GALM: variants seen among roughly 807,000 people sequenced by gnomAD.
The protein encoded by GALM is galactose mutarotase.
In GALM, 43 loss-of-function variants were observed where a neutral mutation model predicts 37.4. The observed-to-expected ratio is 1.15, with a 90% confidence interval of 0.90 to 1.48. GALM has a LOEUF of 1.48. Among genes scored for constraint, GALM ranks in the 40% most tolerant of loss-of-function variants. The pLI, the probability that GALM is intolerant of heterozygous loss-of-function variation, is 0.00. For missense variants in GALM, 456 were observed against 419.1 expected, an observed-to-expected ratio of 1.09 and a Z score of -0.77; for synonymous variants, 199 against 170.6, an observed-to-expected ratio of 1.17 and a Z score of -1.30.
intron 4 of GALM, among the ~76,000 whole-genome samples, chr2:38,724,886 G>A (rs140494653): frequency 8.9e-4 from 135 of 152,302 alleles, no homozygotes; most frequent in African/African-American, 3.2e-3. Context: ...GGGAAGAGCT[G>A]AAGCAAACAC....
chr2:38,733,458 A>G lies in GALM; in HGVS notation c.952-30A>G, dbSNP rs1281860048. 3 of 1,592,626 alleles carry G rather than the reference A, an allele frequency of 1.9e-6. No individual in the cohort carries two copies. In the South Asian group the frequency reaches 3.3e-5, roughly 18 times the overall value. On this transcript the variant is annotated intron_variant, in intron 6 of 6. Transcript: ENST00000272252. Reference sequence around the variant, plus strand: ...GTTAATGTTGCAGCCTGCGGTGTCAAGCATCACCTGTGTTGTTTCCCCTTC... The same window carrying G: ...GTTAATGTTGCAGCCTGCGGTGTCAGGCATCACCTGTGTTGTTTCCCCTTC...
chr2:38,677,316 CCA>C (rs1321415125), intron 2 of GALM, among the ~76,000 whole-genome samples: 1 of 152,042 alleles, frequency 6.6e-6, no homozygotes, highest in Non-Finnish European at 1.5e-5. Context: ...CCACTAATGG[CCA>C]CAGTTTCTTC....
chr2:38,679,176 G>A (rs779893504), intron 2 of GALM, among the ~76,000 whole-genome samples: 18 of 152,166 alleles, frequency 1.2e-4, no homozygotes, highest in African/African-American at 1.9e-4. Flanking sequence ...TAGTAGAGAC[G>A]AAGTTTCACC....
chr2:38,726,618 A>C (rs964895683), intron 4 of GALM, among the ~76,000 whole-genome samples: 1 of 152,094 alleles, frequency 6.6e-6, no homozygotes, highest in Non-Finnish European at 1.5e-5. Flanking sequence ...ATGCAAGCCG[A>C]AGTAGTCTCG....
Position 38,731,923 on chromosome 2 carries a change from CTGGCTTTTCAGAGTAGAGTTGTGTCCA to C in GALM, c.951+15_951+41del. Reference sequence around the variant, plus strand: ...GCAGTCAATCAGGTAATGCCACAGGCTGGCTTTTCAGAGTAGAGTTGTGTCCAAGGTCACACTGTACGACAGAGTTCA... The same window carrying C: ...GCAGTCAATCAGGTAATGCCACAGGCAGGTCACACTGTACGACAGAGTTCA... On this transcript the variant is annotated intron_variant, in intron 6 of 6. Coordinates refer to ENST00000272252, the MANE Select transcript of GALM (RefSeq NM_138801.3). 6.2e-7 allele frequency: 1 copy of C among 1,612,044 alleles called. No individual in the cohort carries two copies. The highest frequency in any genetic ancestry group is 8.5e-7 in the Non-Finnish European group (1 of 1,178,316).
In GALM at chr2:38,733,468, G is replaced by A; in HGVS notation, c.952-20G>A. The stretch of plus-strand genomic sequence containing the variant: ...CAGCCTGCGGTGTCAAGCATCACCT[G>A]TGTTGTTTCCCCTTCACAGCCCCGC... On this transcript the variant is annotated intron_variant, in intron 6 of 6. Transcript: ENST00000272252. 6.2e-7 allele frequency: 1 copy of A among 1,607,242 alleles called. No individual in the cohort carries two copies. The highest frequency in any genetic ancestry group is 1.1e-5 in the South Asian group (1 of 90,956).
chr2:38,675,518 GTT>G (rs1553379770), intron 1 of GALM, among the ~76,000 whole-genome samples: 7 of 104,974 alleles, frequency 6.7e-5, no homozygotes, highest in East Asian at 2.9e-4. Flanking sequence ...TGGATTGAGG[GTT>G]TTTTTGTTTT....
chr2:38,715,615 T>C (rs1299579494), intron 4 of GALM, among the ~76,000 whole-genome samples: 1 of 152,134 alleles, frequency 6.6e-6, no homozygotes, highest in African/African-American at 2.4e-5. Context: ...TTTTTGTATT[T>C]TTTGTAGAGA....
chr2:38,731,088 G>A (rs552829759), intron 5 of GALM, among the ~76,000 whole-genome samples: 1 of 151,990 alleles, frequency 6.6e-6, no homozygotes, highest in South Asian at 2.1e-4. Context: ...TTAGCCGGAT[G>A]TGGTGGCAGG....
Position 38,733,546 on chromosome 2 carries a change from T to G in GALM, c.1010T>G (p.Phe337Cys), listed in dbSNP as rs374312709. The change falls in exon 7 of 7, where the codon TTC becomes TGC. Residue 337 changes from phenylalanine (F) to cysteine (C), a missense_variant. By Grantham distance (205) the Phe-to-Cys change is radical (BLOSUM62 -2). Transcript: ENST00000272252. ...PGEEYDHTTWFKFSVA is the reference protein window; with the variant it reads ...PGEEYDHTTWCKFSVA Reference sequence around the variant, plus strand: ...GAGGAGTATGACCACACCACCTGGTTCAAGTTTTCTGTGGCTTAAGGAAGT... The same window carrying G: ...GAGGAGTATGACCACACCACCTGGTGCAAGTTTTCTGTGGCTTAAGGAAGT... 6.2e-7 allele frequency: 1 copy of G among 1,613,884 alleles called. No individual in the cohort carries two copies. Among genetic ancestry groups the G allele is most frequent in the South Asian group, 1.1e-5 (1 of 91,080 alleles).
At chr2:38,682,511 C>G (rs1665421781) in intron 3 of GALM, among the ~76,000 whole-genome samples, 1 of 152,138 alleles carries the variant, frequency 6.6e-6, no homozygotes, top group African/African-American at 2.4e-5. Context: ...TTAATTGGTT[C>G]TTGTAAAATT....
rs182469019 is a variant in GALM at position 38,718,269 on chromosome 2, G to T, written c.635-11287G>T. Among the ~76,000 whole-genome samples, 365 of 143,732 alleles carry T rather than the reference G, an allele frequency of 2.5e-3. 5 individuals carry two copies. Among genetic ancestry groups the T allele is most frequent in the African/African-American group, 8.8e-3 (341 of 38,912 alleles). 94.3% of individuals were successfully genotyped at this position (143,732 alleles called of 152,430 possible). On this transcript the variant is annotated intron_variant, in intron 4 of 6. Coordinates refer to ENST00000272252, the MANE Select transcript of GALM (RefSeq NM_138801.3). ...GGCTGGAGGGCAGTGGCGCAATCTC[G>T]GCCCACTGCAACCTCTGCTTCCCAG...
Position 38,691,452 on chromosome 2 carries a change from G to A in GALM, c.634+1558G>A, listed in dbSNP as rs368165661. Among the ~76,000 whole-genome samples the A allele has an allele frequency of 3.5e-4, 53 of 152,214 alleles. No individual in the cohort carries two copies. The South Asian group carries it at 0.011, about 32-fold the overall frequency. ...CAGCACTTTGGGAGGCTGAGGCAGA[G>A]GAGGATCACTTGAGCCCAGGAGTTC... On this transcript the variant is annotated intron_variant, in intron 4 of 6. Coordinates refer to ENST00000272252, the MANE Select transcript of GALM (RefSeq NM_138801.3).
In GALM at chr2:38,729,585, TTCGAC is replaced by T. The variant is rs1666556293; in HGVS notation, c.665_669del (p.Phe222SerfsTer20). The T allele has an allele frequency of 1.2e-6, 2 of 1,613,534 alleles. No homozygotes were observed. The highest frequency in any genetic ancestry group is 3.3e-5 in the Admixed American group (2 of 59,978). On this transcript the variant is annotated frameshift_variant, in exon 5 of 7. Coordinates refer to ENST00000272252, the MANE Select transcript of GALM (RefSeq NM_138801.3). LOFTEE classifies it high-confidence loss of function. Reference sequence around the variant, plus strand: ...AGTTGCCCCAGTGCAAGGCACTGCATTCGACCTGAGAAAGCCAGTGGAGCTTGGAA... The same window carrying T: ...AGTTGCCCCAGTGCAAGGCACTGCATCTGAGAAAGCCAGTGGAGCTTGGAA...
chr2:38,672,465 G>C (rs1427069446), intron 1 of GALM, among the ~76,000 whole-genome samples: 1 of 152,072 alleles, frequency 6.6e-6, no homozygotes, highest in African/African-American at 2.4e-5. Flanking sequence ...GTGGGAATAG[G>C]AGAGAGAGAG....
chr2:38,726,250 G>A lies in GALM; in HGVS notation c.635-3306G>A, dbSNP rs1339727618. ...TTTTTATTTTTTTTTTTTTTGAGAC[G>A]GAGTCTCGCTCTGTCGCCCAGGCTG... On this transcript the variant is annotated intron_variant, in intron 4 of 6. Coordinates refer to ENST00000272252, the MANE Select transcript of GALM (RefSeq NM_138801.3). Among the ~76,000 whole-genome samples the A allele has an allele frequency of 6.4e-4, 92 of 144,678 alleles. 1 individual carries two copies. Among genetic ancestry groups the A allele is most frequent in the South Asian group, 2.2e-4 (1 of 4,538 alleles). The allele number at this position is 144,678 out of a possible 152,430, so 94.9% of individuals were successfully genotyped here. A position where few individuals can be genotyped will look rare whatever the true frequency, so the allele number is the denominator to read the frequency against.
chr2:38,725,002 G>A (rs1666457090), intron 4 of GALM, among the ~76,000 whole-genome samples: 1 of 152,126 alleles, frequency 6.6e-6, no homozygotes, highest in Non-Finnish European at 1.5e-5. Flanking sequence ...CCTTCTACCT[G>A]TAGTTATACT....
chr2:38,673,258 C>T (rs1482383597), intron 1 of GALM, among the ~76,000 whole-genome samples: 1 of 152,146 alleles, frequency 6.6e-6, no homozygotes, highest in Non-Finnish European at 1.5e-5. Context: ...GAATTGCATT[C>T]TCTGCTGATC....
intron 1 of GALM, among the ~76,000 whole-genome samples, chr2:38,673,576 C>T (rs1323022040): frequency 2.6e-5 from 4 of 151,958 alleles, no homozygotes; most frequent in South Asian, 2.1e-4. Context: ...AATATGGGGC[C>T]GGGGCGGGTG....
Sources: gnomAD v4.1 joint callset for allele counts (sites outside exome capture counted in the v4.1 genomes callset) on GRCh38, gnomAD v4.1.1 for gene constraint, MANE v1.5 for transcripts, NCBI Gene and HGNC (gene_info 2026-07-23, HGNC 2026-07-21) for gene names.